Variants in FNDC7 observed in about 807,000 individuals in gnomAD.
FNDC7 encodes the protein fibronectin type III domain-containing protein 7.
FNDC7 carries 66 observed loss-of-function variants against 74.2 expected under a neutral mutation model. The observed-to-expected ratio is 0.89, with a 90% CI of 0.73 to 1.09. FNDC7 has a LOEUF of 1.09. Ranked by LOEUF, FNDC7 falls within the 50% of genes least tolerant of loss-of-function variation. FNDC7 has a pLI of 0.00. For synonymous variants in FNDC7, 307 were observed against 330.2 expected, an observed-to-expected ratio of 0.93 and a Z score of 0.76; for missense variants, 829 against 893.4, an observed-to-expected ratio of 0.93 and a Z score of 0.92.
chr1:108,728,562 T>C, intron 7 of FNDC7, 70 bp from the exon 8 acceptor site: 2 of 1,587,512 alleles, frequency 1.3e-6, no homozygotes, highest in Middle Eastern at 1.7e-4. Flanking sequence ...GCAAAATCAG[T>C]TTTAGACCAA....
Position 108,737,370 on chromosome 1 carries a change from A to T in FNDC7, c.2141-125A>T. The T allele has an allele frequency of 5.6e-6, 4 of 718,854 alleles. No individual in the cohort carries two copies. In the South Asian group the frequency reaches 7.1e-5, roughly 13 times the overall value. 44.5% of individuals were successfully genotyped at this position (718,854 alleles called of 1,614,324 possible). A position where few individuals can be genotyped will look rare whatever the true frequency, so the allele number is the denominator to read the frequency against. On this transcript the variant is annotated intron_variant, in intron 10 of 12. Coordinates refer to ENST00000370017, the MANE Select transcript of FNDC7 (RefSeq NM_001144937.3). ...GCTAGTAGTATCTCCTTCTCTTATCACCCAAGTTCGTTCTTGTTCGTTTTT... is the reference window on the plus strand; with the variant it reads ...GCTAGTAGTATCTCCTTCTCTTATCTCCCAAGTTCGTTCTTGTTCGTTTTT...
intron 10 of FNDC7, 45 bp downstream of exon 10, chr1:108,733,577 A>C (rs373998832): frequency 6.4e-7 from 1 of 1,569,798 alleles, no homozygotes; most frequent in Non-Finnish European, 8.7e-7. Context: ...CCCTGAACTC[A>C]TATCTGTGAA....
chr1:108,718,061 A>T (rs1661019623), intron 3 of FNDC7, 30 bp downstream of exon 3: 2 of 1,546,472 alleles, frequency 1.3e-6, no homozygotes, highest in Non-Finnish European at 1.8e-6. Flanking sequence ...TCCTCCGTTG[A>T]GTGTTTGCTT....
chr1:108,734,620 G>A (rs1661468838), intron 10 of FNDC7: 1 of 152,144 alleles, frequency 6.6e-6, no homozygotes, highest in East Asian at 1.9e-4. Flanking sequence ...GATGGAAGGA[G>A]GACAGTTCCT....
intron 11 of FNDC7, among the ~76,000 whole-genome samples, chr1:108,739,722 A>G (rs942960972): frequency 3.9e-5 from 6 of 152,196 alleles, no homozygotes; most frequent in Non-Finnish European, 8.8e-5. Context: ...TCAGGTTCCC[A>G]GGTGATTTTG....
At chr1:108,737,452 A>G (rs1182117871) in intron 10 of FNDC7, 43 bp from the exon 11 acceptor site, 2 of 1,506,444 alleles carry the variant, frequency 1.3e-6, no homozygotes, top group Non-Finnish European at 1.8e-6. Context: ...TTAAATACAT[A>G]AATGAATAGA....
chr1:108,729,548 C>CAAA (rs748570790), intron 8 of FNDC7, among the ~76,000 whole-genome samples: 1 of 87,838 alleles, frequency 1.1e-5, no homozygotes, highest in African/African-American at 3.9e-5. Flanking sequence ...GATTCCGTCA[C>CAAA]AAAAAAAAAA....
intron 11 of FNDC7, among the ~76,000 whole-genome samples, chr1:108,741,251 A>T (rs888349573): frequency 2.0e-5 from 3 of 152,048 alleles, no homozygotes; most frequent in Admixed American, 2.0e-4. Context: ...CTCTAACAAG[A>T]GGTAGATAGA....
rs1557791748 is a variant in FNDC7, at chr1:108,730,947, T to TCCGGCTGAGGCCGG, written c.1879+19_1879+20insCCGGCTGAGGCCGG. The TCCGGCTGAGGCCGG allele has an allele frequency of 6.3e-7, 1 of 1,593,610 alleles. No individual in the cohort carries two copies. Among genetic ancestry groups the TCCGGCTGAGGCCGG allele is most frequent in the Non-Finnish European group, 8.5e-7 (1 of 1,170,124 alleles). Reference sequence around the variant, plus strand: ...TTCTCTGGTAAGTGAACTCTAGCTCTAGAGTAGCAGTAAGGACTTGACTAT... The same window carrying TCCGGCTGAGGCCGG: ...TTCTCTGGTAAGTGAACTCTAGCTCTCCGGCTGAGGCCGGAGAGTAGCAGTAAGGACTTGACTAT... On this transcript the variant is annotated intron_variant, in intron 9 of 12. Coordinates refer to ENST00000370017, the MANE Select transcript of FNDC7 (RefSeq NM_001144937.3).
At chr1:108,735,687 T>G (rs572760263) in intron 10 of FNDC7, among the ~76,000 whole-genome samples, 2 of 152,372 alleles carry the variant, frequency 1.3e-5, no homozygotes, top group South Asian at 4.1e-4. Flanking sequence ...CATACTGTCT[T>G]TGAAATCTGG....
chr1:108,714,181 T>C (rs2101074899), intron 2 of FNDC7, among the ~76,000 whole-genome samples: 1 of 152,330 alleles, frequency 6.6e-6, no homozygotes, highest in South Asian at 2.1e-4. Flanking sequence ...TTAACTTATC[T>C]GTAGGAACCA....
At position 108,718,023 on chromosome 1, in the gene FNDC7, CAA is replaced by C; in HGVS notation, c.331_332del (p.Lys111AspfsTer81). On this transcript the variant is annotated frameshift_variant, in exon 3 of 13. Coordinates refer to ENST00000370017, the MANE Select transcript of FNDC7 (RefSeq NM_001144937.3). LOFTEE classifies it high-confidence loss of function. ...AGCCAGGCGTCACCTCCAAAGCAGG[CAA>C]AGACAGGTGGCTGGATGGATGCTCA... 6.4e-7 allele frequency: 1 copy of C among 1,551,468 alleles called. No individual in the cohort carries two copies. The highest frequency in any genetic ancestry group is 8.7e-7 in the Non-Finnish European group (1 of 1,146,782).
At chr1:108,720,544 T>C (rs943545367) in intron 4 of FNDC7, among the ~76,000 whole-genome samples, 8 of 152,210 alleles carry the variant, frequency 5.3e-5, no homozygotes, top group Non-Finnish European at 1.0e-4. Flanking sequence ...ATTAGTTTCC[T>C]AGGGCTGCTG....
chr1:108,739,880 T>A (rs1271365810), intron 11 of FNDC7, among the ~76,000 whole-genome samples: 2 of 151,992 alleles, frequency 1.3e-5, no homozygotes, highest in Non-Finnish European at 2.9e-5. Flanking sequence ...AGTAGATATT[T>A]GTAGAAATCC....
intron 1 of FNDC7, 77 bp from the exon 2 acceptor site, chr1:108,713,434 C>T (rs1015127480): frequency 7.5e-6 from 9 of 1,199,918 alleles, no homozygotes; most frequent in Middle Eastern, 2.0e-4. Flanking sequence ...AATTTATTAC[C>T]GCTTTTATTC....
chr1:108,738,619 C>T (rs1661571006), intron 11 of FNDC7, among the ~76,000 whole-genome samples: 2 of 137,726 alleles, frequency 1.5e-5, no homozygotes. Context: ...GCCCGTAAAC[C>T]CCACTGGACA....
At position 108,719,047 on chromosome 1, in the gene FNDC7, C is replaced by T. The variant is rs774475241; in HGVS notation, c.596C>T (p.Thr199Ile). The T allele has an allele frequency of 9.7e-6, 15 of 1,551,920 alleles. No individual in the cohort carries two copies. Among genetic ancestry groups the T allele is most frequent in the African/African-American group, 1.4e-5 (1 of 73,048 alleles). ...PGDDSTCNQR[T>I]SPRAPANIQV... ...GATGACTCCACCTGCAATCAGAGAA[C>T]AAGTAAGAACTTCTCAGCTCAGCCT... is the stretch of plus-strand genomic sequence containing the variant. Residue 199 changes from threonine (T) to isoleucine (I), a missense_variant and splice_region_variant, in exon 4 of 13, where the codon ACA (threonine) becomes ATA (isoleucine). Transcript: ENST00000370017.
intron 10 of FNDC7, 32 bp from the exon 11 acceptor site, chr1:108,737,463 T>A: frequency 6.5e-7 from 1 of 1,546,214 alleles, no homozygotes; most frequent in South Asian, 1.2e-5. Context: ...AATGAATAGA[T>A]TTTATTTTAA....
At chr1:108,741,296 C>CAGGG (rs1661638824) in intron 11 of FNDC7, among the ~76,000 whole-genome samples, 1 of 152,160 alleles carries the variant, frequency 6.6e-6, no homozygotes, top group African/African-American at 2.4e-5. Flanking sequence ...ACACCATGAG[C>CAGGG]AGGGGCTGGG....
Sources: gnomAD v4.1 joint callset for allele counts (sites outside exome capture counted in the v4.1 genomes callset) on GRCh38, gnomAD v4.1.1 for gene constraint, MANE v1.5 for transcripts, NCBI Gene and HGNC (gene_info 2026-07-23, HGNC 2026-07-21) for gene names.